Variants in TMEM234 observed in about 807,000 individuals in gnomAD.
The protein encoded by TMEM234 is transmembrane protein 234.
In TMEM234, 21 loss-of-function variants were observed where a neutral mutation model predicts 17.8. The observed-to-expected ratio is 1.18, with a 90% CI of 0.84 to 1.70. The LOEUF is 1.70. TMEM234 is among the 40% of genes most tolerant of loss of function. The pLI, the probability that TMEM234 is intolerant of heterozygous loss-of-function variation, is 0.00. For synonymous variants in TMEM234, 83 were observed against 73.5 expected (o/e 1.13, Z -0.66); for missense variants, 137 against 166.9 (o/e 0.82, Z 0.99).
rs1412204619 is a variant in TMEM234, at chr1:32,217,105, G to A, written c.328+154C>T. 3.2e-6 allele frequency: 5 copies of A among 1,566,858 alleles called. No homozygotes were observed. In the Admixed American group the frequency reaches 5.8e-5, roughly 18 times the overall value. ...TGTCCAGGGGAAGGGAACTCTGATG[G>A]CCACAAGGAAGCAAAACAGCTGCAG... On this transcript the variant is annotated intron_variant, in intron 4 of 4. Coordinates refer to ENST00000309777, the MANE Select transcript of TMEM234 (RefSeq NM_019118.5).
chr1:32,217,124 G>C, intron 4 of TMEM234, 135 bp downstream of exon 4: 1 of 1,575,982 alleles, frequency 6.3e-7, no homozygotes, highest in Non-Finnish European at 8.6e-7. Context: ...AAGCAAAACA[G>C]CTGCAGAGGA....
At chr1:32,215,157 T>C (rs1638272455), downstream of TMEM234, 2 of 634,550 alleles carry the variant, frequency 3.2e-6, no homozygotes, top group African/African-American at 1.9e-5. Context: ...TGTCTCCAGC[T>C]GCCCCCGTCT....
intron 3 of TMEM234, among the ~76,000 whole-genome samples, chr1:32,218,452 A>G (rs1179074610): frequency 6.6e-6 from 1 of 151,816 alleles, no homozygotes; most frequent in Non-Finnish European, 1.5e-5. Flanking sequence ...AGACTAATGG[A>G]GTTAACTTAA....
At chr1:32,215,301 C>T (rs1638288325), downstream of TMEM234, 1 of 732,090 alleles carries the variant, frequency 1.4e-6, no homozygotes, top group Non-Finnish European at 2.2e-6. Context: ...CCACCTCTCA[C>T]TTCCTTGCCA....
chr1:32,217,556 A>AGTTCAGGTCTTC, intron 3 of TMEM234: 2 of 1,181,958 alleles, frequency 1.7e-6, no homozygotes, highest in Non-Finnish European at 2.4e-6. Context: ...TGAAGACCTG[A>AGTTCAGGTCTTC]ACTCTGAGGT....
At chr1:32,215,978 G>A (rs1251460885), downstream of TMEM234, 7 of 1,217,546 alleles carry the variant, frequency 5.7e-6, no homozygotes, top group Middle Eastern at 2.5e-4. Flanking sequence ...TTGTTCCTCA[G>A]GAGCCAGCAC....
chr1:32,222,277 A>C, intron 1 of TMEM234, 30 bp downstream of exon 1: 1 of 1,537,658 alleles, frequency 6.5e-7, no homozygotes, highest in Non-Finnish European at 8.8e-7. Flanking sequence ...GGGTCGGGAA[A>C]TCCATGGAAG....
chr1:32,215,182 T>G (rs2124215092), downstream of TMEM234: 1 of 599,028 alleles, frequency 1.7e-6, no homozygotes, highest in Non-Finnish European at 2.8e-6. Flanking sequence ...ATCCTGTCCC[T>G]TCTTCACAGG....
At chr1:32,221,251 CCTT>C (rs1638880817) in intron 2 of TMEM234, 54 bp from the exon 3 acceptor site, 1 of 1,403,000 alleles carries the variant, frequency 7.1e-7, no homozygotes, top group African/African-American at 1.4e-5. Context: ...AGCAGCACTG[CCTT>C]CTTTGAGCTC....
At chr1:32,222,043 C>G in intron 1 of TMEM234, 25 bp from the exon 2 acceptor site, 3 of 1,585,074 alleles carry the variant, frequency 1.9e-6, no homozygotes, top group Non-Finnish European at 1.7e-6. Context: ...GTGAGTCACC[C>G]TGACCCCCAC....
At chr1:32,221,484 GCCTT>G (rs1204141482) in intron 2 of TMEM234, among the ~76,000 whole-genome samples, 2 of 152,062 alleles carry the variant, frequency 1.3e-5, no homozygotes, top group Admixed American at 6.6e-5. Context: ...TCCAGCTCCA[GCCTT>G]CCTCCTCTGA....
chr1:32,221,253 T>G (rs1483393110), intron 2 of TMEM234, 56 bp from the exon 3 acceptor site: 18 of 1,350,578 alleles, frequency 1.3e-5, no homozygotes, highest in Non-Finnish European at 1.8e-5. Flanking sequence ...CAGCACTGCC[T>G]TCTTTGAGCT....
At chr1:32,216,160 G>A, downstream of TMEM234, 1 of 736,318 alleles carries the variant, frequency 1.4e-6, no homozygotes, top group Non-Finnish European at 2.2e-6. Context: ...AAGCCTGGGA[G>A]AGGGTTTGTC....
Position 32,221,210 on chromosome 1 carries a change from G to A in TMEM234, c.169-13C>T, listed in dbSNP as rs1638874243. The A allele has an allele frequency of 6.2e-7, 1 of 1,608,738 alleles. No homozygotes were observed. The highest frequency in any genetic ancestry group is 8.5e-7 in the Non-Finnish European group (1 of 1,176,076). ...AGGGCATCAGGTACTGGAAAGAGGA[G>A]AAACCTGCAGTCAGTGTGATGGCCT... On this transcript the variant is annotated splice_polypyrimidine_tract_variant and intron_variant, in intron 2 of 4. Transcript: ENST00000309777.
downstream of TMEM234, chr1:32,214,943 C>A (rs1313246469): frequency 1.1e-5 from 17 of 1,613,802 alleles, no homozygotes; most frequent in Admixed American, 2.7e-4. Flanking sequence ...GTGAGGGGTC[C>A]CTGGGGCTCA....
downstream of TMEM234, chr1:32,216,056 C>T: frequency 5.4e-6 from 4 of 735,048 alleles, no homozygotes; most frequent in Non-Finnish European, 9.0e-6. Context: ...CCTAAACCCA[C>T]AGCCCAGCCT....
chr1:32,222,297 G>C lies in TMEM234; in HGVS notation c.16+10C>G. On this transcript the variant is annotated intron_variant, in intron 1 of 4. Transcript: ENST00000309777. The stretch of plus-strand genomic sequence containing the variant: ...GGGAAATCCATGGAAGGGCGGGGCC[G>C]GCTACCTACCCAGAGACGCCGCCAT... The C allele has an allele frequency of 6.4e-7, 1 of 1,551,262 alleles. No individual in the cohort carries two copies. Among genetic ancestry groups the C allele is most frequent in the Non-Finnish European group, 8.7e-7 (1 of 1,148,820 alleles).
downstream of TMEM234, chr1:32,215,596 G>A: frequency 1.3e-6 from 2 of 1,544,182 alleles, no homozygotes; most frequent in Middle Eastern, 1.7e-4. Context: ...GCTCTGAGCT[G>A]GAAACTGGCA....
intron 3 of TMEM234, 31 bp downstream of exon 3, chr1:32,221,100 C>T: frequency 1.2e-6 from 2 of 1,600,984 alleles, no homozygotes; most frequent in Non-Finnish European, 1.7e-6. Context: ...GCCTCAAACA[C>T]TAAGCAGAAC....
Sources: allele counts gnomAD v4.1 joint callset (sites outside exome capture counted in the v4.1 genomes callset), GRCh38; gene constraint gnomAD v4.1.1; transcripts MANE v1.5; gene names NCBI Gene and HGNC (gene_info 2026-07-23, HGNC 2026-07-21).